The following DOCK9 variants were observed in gnomAD, a reference collection of about 807,000 sequenced individuals.
DOCK9 encodes the protein dedicator of cytokinesis protein 9.
In DOCK9, 89 loss-of-function variants were observed where a neutral mutation model predicts 263.3. The ratio of observed to expected loss-of-function variants is 0.34; its 90% CI spans 0.28 to 0.40. DOCK9 has a LOEUF of 0.40. Ranked by LOEUF, DOCK9 falls within the 10% of genes least tolerant of loss-of-function variation. The pLI is 1.00. For missense variants in DOCK9, 2,140 were observed against 2,603.4 expected (o/e 0.82, Z 3.87); for synonymous variants, 976 against 973.1 (o/e 1.00, Z -0.06).
At position 98,863,031 on chromosome 13, in the gene DOCK9, C is replaced by T. The variant is rs1433395470; in HGVS notation, c.3567G>A (p.Val1189=). Residue 1189 remains valine (V), a synonymous_variant, in exon 32 of 53, where the codon GTG becomes GTA. Coordinates refer to ENST00000682017, the MANE Select transcript of DOCK9 (RefSeq NM_001366683.2). Reference sequence around the variant, plus strand: ...CATGCTTACGTACCATGCCCGCGTTCACAGGGAAGGGTGACACATCCCTCA... The same window carrying T: ...CATGCTTACGTACCATGCCCGCGTTTACAGGGAAGGGTGACACATCCCTCA... ...INVRDVSPFP[V]NAGMTVKDES... is the part of the protein sequence containing the mutation. 2.5e-6 allele frequency: 4 copies of T among 1,607,950 alleles called. No homozygotes were observed. In the South Asian group the frequency reaches 3.4e-5, roughly 14 times the overall value.
intron 1 of DOCK9, among the ~76,000 whole-genome samples, chr13:98,958,075 T>C (rs759055869): frequency 6.6e-6 from 1 of 152,044 alleles, no homozygotes; most frequent in African/African-American, 2.4e-5. Flanking sequence ...GGACAGGGGG[T>C]TGGAGGGACA....
chr13:98,814,935 C>CAAAAT (rs66599481), intron 45 of DOCK9, among the ~76,000 whole-genome samples: 1,797 of 131,164 alleles, frequency 0.014, 50 homozygotes, highest in African/African-American at 0.05. Flanking sequence ...GATTCTGTCT[C>CAAAAT]AAAATAAAAT....
chr13:98,912,288 T>C (rs1396576401), intron 9 of DOCK9, among the ~76,000 whole-genome samples: 1 of 152,200 alleles, frequency 6.6e-6, no homozygotes, highest in Non-Finnish European at 1.5e-5. Context: ...TCTACGGTGA[T>C]GGAGGTCAAA....
chr13:98,905,810 T>A lies in DOCK9; in HGVS notation c.961-1104A>T, dbSNP rs138212134. Among the ~76,000 whole-genome samples, 83 of 150,888 alleles carry A rather than the reference T, an allele frequency of 5.5e-4. 1 individual carries two copies. In the East Asian group the frequency reaches 0.013, roughly 23 times the overall value. On this transcript the variant is annotated intron_variant, in intron 9 of 52. Coordinates refer to ENST00000682017, the MANE Select transcript of DOCK9 (RefSeq NM_001366683.2). ...AAAAAAAAAGGATTGGGGATTTCAT[T>A]CAGAATCTAAAATATCCTGCAACCT...
intron 37 of DOCK9, chr13:98,846,710 A>G (rs2093404092): frequency 4.5e-6 from 2 of 447,576 alleles, no homozygotes; most frequent in South Asian, 1.7e-5. Flanking sequence ...CGTCCCCCTC[A>G]CTGTGTTATT....
chr13:98,997,153 T>G (rs1881242717), intron 1 of DOCK9, among the ~76,000 whole-genome samples: 1 of 152,220 alleles, frequency 6.6e-6, no homozygotes, highest in South Asian at 2.1e-4. Context: ...ACAGCGCACT[T>G]ACCCTAGAAC....
intron 22 of DOCK9, 98 bp from the exon 23 acceptor site, chr13:98,883,229 T>G (rs572638750): frequency 2.5e-6 from 2 of 815,882 alleles, no homozygotes; most frequent in Admixed American, 3.2e-5. Context: ...TTTTGCTGTA[T>G]GTTGTTGTTG....
At chr13:98,840,842 A>G (rs775231925) in intron 38 of DOCK9, among the ~76,000 whole-genome samples, 1 of 152,236 alleles carries the variant, frequency 6.6e-6, no homozygotes, top group Non-Finnish European at 1.5e-5. Context: ...CCTCTAGCCC[A>G]TAACATGAAT....
intron 1 of DOCK9, among the ~76,000 whole-genome samples, chr13:99,043,024 G>A (rs1566345762): frequency 6.6e-6 from 1 of 152,118 alleles, no homozygotes; most frequent in Non-Finnish European, 1.5e-5. Context: ...CCACAGCACT[G>A]CTGGGTGACA....
intron 1 of DOCK9, among the ~76,000 whole-genome samples, chr13:99,039,560 C>A (rs1276494836): frequency 1.3e-5 from 2 of 152,280 alleles, no homozygotes; most frequent in African/African-American, 4.8e-5. Flanking sequence ...CTATTCTCTG[C>A]AAAATGATGC....
chr13:98,895,620 G>C (rs1166016862), intron 15 of DOCK9, among the ~76,000 whole-genome samples: 1 of 151,040 alleles, frequency 6.6e-6, no homozygotes, highest in African/African-American at 2.4e-5. Flanking sequence ...AGCTGAAATC[G>C]TGCTACTGTA....
Position 98,867,518 on chromosome 13 carries a change from A to C in DOCK9, c.3193T>G (p.Phe1065Val). The change falls in exon 30 of 53, where the codon TTT becomes GTT. Residue 1065 changes from phenylalanine to valine, a missense_variant. Phe to Val is a conservative substitution (Grantham distance 50). Around this residue, in one of 2 missense-constraint regions of DOCK9, gnomAD observed 1,521 missense variants for 1,741.7 expected, o/e 0.87. Coordinates refer to ENST00000682017, the MANE Select transcript of DOCK9 (RefSeq NM_001366683.2). ...TTGCACACTACACGGAGAAATTCAAACTTGTATTCAAAGAGGGTCTGCAGG... is the reference window on the plus strand; with the variant it reads ...TTGCACACTACACGGAGAAATTCAACCTTGTATTCAAAGAGGGTCTGCAGG... ...GDPKTLFEYK[F>V]EFLRVVCNHE... 1 of 1,608,582 alleles carries C rather than the reference A, an allele frequency of 6.2e-7. No homozygotes were observed. Among genetic ancestry groups the C allele is most frequent in the Non-Finnish European group, 8.5e-7 (1 of 1,176,744 alleles).
intron 2 of DOCK9, among the ~76,000 whole-genome samples, chr13:98,932,635 G>A (rs558905294): frequency 6.6e-6 from 1 of 152,088 alleles, no homozygotes; most frequent in South Asian, 2.1e-4. Context: ...AGAACTTCAG[G>A]GCATGTGTTT....
At chr13:99,013,804 C>T (rs9517543) in intron 1 of DOCK9, among the ~76,000 whole-genome samples, 22,591 of 152,148 alleles carry the variant, frequency 0.15, 2,415 homozygotes, top group East Asian at 0.43. Context: ...GCATTTGACC[C>T]TGAGCTGCAG....
chr13:98,847,455 G>A (rs1362847489), intron 37 of DOCK9: 1 of 152,156 alleles, frequency 6.6e-6, no homozygotes, highest in Non-Finnish European at 1.5e-5. Context: ...AACTTTAAGT[G>A]CTACCACATT....
intron 1 of DOCK9, among the ~76,000 whole-genome samples, chr13:99,009,181 G>C (rs1361084898): frequency 2.0e-5 from 3 of 152,180 alleles, no homozygotes; most frequent in Non-Finnish European, 4.4e-5. Context: ...CTGGGGAAAG[G>C]TCTGGCCCTC....
intron 7 of DOCK9, among the ~76,000 whole-genome samples, chr13:98,919,648 T>TCAAC (rs1337248018): frequency 1.3e-5 from 2 of 152,208 alleles, no homozygotes; most frequent in African/African-American, 4.8e-5. Flanking sequence ...AGATTGTTCA[T>TCAAC]CAACCACAGA....
At chr13:98,985,323 G>A (rs774479043) in intron 1 of DOCK9, among the ~76,000 whole-genome samples, 4 of 126,500 alleles carry the variant, frequency 3.2e-5, no homozygotes, top group South Asian at 4.9e-4. Flanking sequence ...CCCATTTCCC[G>A]GCCTTCATTT....
chr13:98,996,442 ACTAACT>A (rs1463193422), intron 1 of DOCK9, among the ~76,000 whole-genome samples: 1 of 152,210 alleles, frequency 6.6e-6, no homozygotes, highest in Admixed American at 6.5e-5. Flanking sequence ...ATATTATATA[ACTAACT>A]CTTCACAAAT....
Sources: gnomAD v4.1 joint callset for allele counts (sites outside exome capture counted in the v4.1 genomes callset) on GRCh38, gnomAD v4.1.1 for gene constraint, gnomAD v4.1.1 regional missense constraint, MANE v1.5 for transcripts, NCBI Gene and HGNC (gene_info 2026-07-23, HGNC 2026-07-21) for gene names.